Variants in ACE observed in about 807,000 individuals in gnomAD.
The protein encoded by ACE is angiotensin-converting enzyme.
In ACE, 122 loss-of-function variants were observed where a neutral mutation model predicts 162.3. The observed-to-expected ratio is 0.75, with a 90% CI of 0.65 to 0.87. ACE has a LOEUF of 0.87. Among genes scored for constraint, ACE ranks in the 40% least tolerant of loss-of-function variants. The pLI, the probability that ACE is intolerant of heterozygous loss-of-function variation, is 0.00. For missense variants in ACE, 1,799 were observed against 1,735.1 expected, an observed-to-expected ratio of 1.04 and a Z score of -0.65; for synonymous variants, 796 against 720.6, an observed-to-expected ratio of 1.10 and a Z score of -1.68.
chr17:63,491,469 C>A lies in ACE; in HGVS notation c.2912+88C>A. On this transcript the variant is annotated intron_variant, in intron 19 of 24. Transcript: ENST00000290866. The surrounding 1 kb of genome is among the most constrained non-coding windows in gnomAD (Gnocchi z 4.4). ...CAAAGGGTCCACTACTGTCCCCCAG[C>A]TGGAGCCAGCAGGGCAGGATGGGGA... The A allele has an allele frequency of 1.3e-6, 2 of 1,556,442 alleles. No individual in the cohort carries two copies. The highest frequency in any genetic ancestry group is 1.8e-6 in the Non-Finnish European group (2 of 1,134,972).
chr17:63,486,952 G>A, intron 14 of ACE, 34 bp from the exon 15 acceptor site: 2 of 1,576,782 alleles, frequency 1.3e-6, no homozygotes, highest in Non-Finnish European at 1.7e-6. Flanking sequence ...AAGTGCAAAG[G>A]AGTACAGCTC....
At position 63,484,856 on chromosome 17, in the gene ACE, T is replaced by C; in HGVS notation, c.1921+315T>C. 1.3e-6 allele frequency: 2 copies of C among 1,570,118 alleles called. No individual in the cohort carries two copies. The highest frequency in any genetic ancestry group is 1.7e-6 in the Non-Finnish European group (2 of 1,157,232). On this transcript the variant is annotated intron_variant, in intron 12 of 24. Coordinates refer to ENST00000290866, the MANE Select transcript of ACE (RefSeq NM_000789.4). This position sits in a 1 kb window ranked among gnomAD's most constrained non-coding sequence, Gnocchi z 4.0. The stretch of plus-strand genomic sequence containing the variant: ...GGGGACGGTAGCTGCAGGACTCTGC[T>C]CTCCTGCGGCCATGGGCCAGGGTTG...
In ACE at chr17:63,487,038, G is replaced by A. The variant is rs1232177858; in HGVS notation, c.2270G>A (p.Cys757Tyr). 2.5e-6 allele frequency: 4 copies of A among 1,613,870 alleles called. No homozygotes were observed. Among genetic ancestry groups the A allele is most frequent in the Non-Finnish European group, 3.4e-6 (4 of 1,180,024 alleles). ...ACCACCTACAGCGTGGCCACTGTGT[G>A]CCACCCGAATGGCAGCTGCCTGCAG... ...METTYSVATV[C>Y]HPNGSCLQLE... The change falls in exon 15 of 25, where the codon TGC (cysteine) becomes TAC (tyrosine). Residue 757 changes from cysteine to tyrosine, a missense_variant. Cys to Tyr is a radical substitution (Grantham distance 194). Transcript: ENST00000290866.
chr17:63,494,320 C>T (rs1221079484), intron 21 of ACE, 52 bp from the exon 22 acceptor site: 5 of 1,567,628 alleles, frequency 3.2e-6, no homozygotes, highest in Non-Finnish European at 3.5e-6. Flanking sequence ...AATGCCACCC[C>T]CAGCCTGGTT....
chr17:63,488,461 G>A lies in ACE; in HGVS notation c.2306-187G>A, dbSNP rs1184976557. ...TGTCTGCAGCATGTGGCCCCAGGCC[G>A]GGGACTCTGTAAGCCACTGCTGGAG... On this transcript the variant is annotated intron_variant, in intron 15 of 24. Coordinates refer to ENST00000290866, the MANE Select transcript of ACE (RefSeq NM_000789.4). The A allele has an allele frequency of 1.2e-5, 5 of 433,562 alleles. No individual in the cohort carries two copies. In the South Asian group the frequency reaches 1.2e-4, roughly 10 times the overall value. 26.9% of individuals were successfully genotyped at this position (433,562 alleles called of 1,614,324 possible). A position where few individuals can be genotyped will look rare whatever the true frequency, so the allele number is the denominator to read the frequency against.
Position 63,493,594 on chromosome 17 carries a change from T to C in ACE, c.3071T>C (p.Leu1024Pro). ...GAGGCCATTGGGGACGTGCTAGCCC[T>C]CTCAGTGTCTACGCCCAAGCACCTG... ...FHEAIGDVLALSVSTPKHLHS... is the reference protein window; with the variant it reads ...FHEAIGDVLAPSVSTPKHLHS... Residue 1024 changes from leucine (L) to proline (P), a missense_variant, in exon 20 of 25, where the codon CTC becomes CCC. Leu to Pro is a moderately conservative substitution (Grantham distance 98). Coordinates refer to ENST00000290866, the MANE Select transcript of ACE (RefSeq NM_000789.4). 1.2e-6 allele frequency: 2 copies of C among 1,614,126 alleles called. No homozygotes were observed. Among genetic ancestry groups the C allele is most frequent in the South Asian group, 2.2e-5 (2 of 91,080 alleles).
In ACE at chr17:63,497,139, C is replaced by G; in HGVS notation, c.3694C>G (p.Arg1232Gly). Reference sequence around the variant, plus strand: ...CTGTCTCCTTGCTTCCCGCTCAGCTCGCTCAGAAGGGCCCCTCCCAGACAG... The same window carrying G: ...CTGTCTCCTTGCTTCCCGCTCAGCTGGCTCAGAAGGGCCCCTCCCAGACAG... ...PQYNWTPNSA[R>G]SEGPLPDSGR... Residue 1232 changes from arginine (R) to glycine (G), a missense_variant and splice_region_variant, in exon 25 of 25, where the codon CGC becomes GGC. By Grantham distance (125) the Arg-to-Gly change is moderately radical. Coordinates refer to ENST00000290866, the MANE Select transcript of ACE (RefSeq NM_000789.4). 1 of 1,603,560 alleles carries G rather than the reference C, an allele frequency of 6.2e-7. No individual in the cohort carries two copies.
chr17:63,482,695 G>T lies in ACE; in HGVS notation c.1342+6G>T. ...CCGTGTCACCAATGACACGGGTATG[G>T]GAGGGCTGAGAGGCCCCCACCCAGC... is the stretch of plus-strand genomic sequence containing the variant. On this transcript the variant is annotated splice_donor_region_variant and intron_variant, in intron 8 of 24. Transcript: ENST00000290866. The T allele has an allele frequency of 6.2e-7, 1 of 1,613,258 alleles. No individual in the cohort carries two copies. Among genetic ancestry groups the T allele is most frequent in the Non-Finnish European group, 8.5e-7 (1 of 1,179,732 alleles).
Position 63,482,264 on chromosome 17 carries a change from A to G in ACE, c.1119-202A>G, listed in dbSNP as rs4308. Among the ~76,000 whole-genome samples the G allele has an allele frequency of 0.71, 107,885 of 151,614 alleles. 39,548 individuals are homozygous for G. Among genetic ancestry groups the G allele is most frequent in the African/African-American group, 0.91 (37,552 of 41,378 alleles). On this transcript the variant is annotated intron_variant, in intron 7 of 24. Coordinates refer to ENST00000290866, the MANE Select transcript of ACE (RefSeq NM_000789.4). ...TGCAGTGAGCTGAGATTGTGCCACT[A>G]CAGGCCAGCCTGTGCAAAAGAGTGA...
At position 63,477,207 on chromosome 17, in the gene ACE, A is replaced by C; in HGVS notation, c.113A>C (p.Asn38Thr). 1 of 1,488,590 alleles carries C rather than the reference A, an allele frequency of 6.7e-7. No individual in the cohort carries two copies. The highest frequency in any genetic ancestry group is 8.9e-7 in the Non-Finnish European group (1 of 1,123,256). The allele number at this position is 1,488,590 out of a possible 1,614,324, so 92.2% of individuals were successfully genotyped here. ...TTGGACCCCGGGCTGCAGCCCGGCA[A>C]CTTTTCTGCTGACGAGGCCGGGGCG... ...LALDPGLQPG[N>T]FSADEAGAQL... The change falls in exon 1 of 25, where the codon AAC (asparagine) becomes ACC (threonine). Residue 38 changes from asparagine (N) to threonine (T), a missense_variant. Asn to Thr is a moderately conservative substitution (Grantham distance 65, BLOSUM62 0). Coordinates refer to ENST00000290866, the MANE Select transcript of ACE (RefSeq NM_000789.4).
intron 1 of ACE, 149 bp from the exon 2 acceptor site, chr17:63,477,782 C>G (rs1352784030): frequency 9.5e-6 from 9 of 946,470 alleles, no homozygotes; most frequent in Non-Finnish European, 1.4e-5. Flanking sequence ...GCGGCTTCCG[C>G]AAACTAAGGT....
Position 63,496,516 on chromosome 17 carries a change from C to A in ACE, c.3503C>A (p.Ala1168Glu), listed in dbSNP as rs993733529. Residue 1168 changes from alanine to glutamate, a missense_variant and splice_region_variant, in exon 23 of 25, where the codon GCG becomes GAG. By Grantham distance (107) the Ala-to-Glu change is moderately radical. Coordinates refer to ENST00000290866, the MANE Select transcript of ACE (RefSeq NM_000789.4). Reference sequence around the variant, plus strand: ...TCCAAGGAGGCCGGGCAGCGCCTGGCGTGAGTGTCCTCCAGCCCTCCTTTG... The same window carrying A: ...TCCAAGGAGGCCGGGCAGCGCCTGGAGTGAGTGTCCTCCAGCCCTCCTTTG... ...YQSKEAGQRL[A>E]TAMKLGFSRP... The A allele has an allele frequency of 6.2e-7, 1 of 1,614,054 alleles. No homozygotes were observed. Among genetic ancestry groups the A allele is most frequent in the Admixed American group, 1.7e-5 (1 of 60,036 alleles).
rs545751216 is a variant in ACE at position 63,477,400 on chromosome 17, C to T, written c.249+57C>T. 9.6e-4 allele frequency: 1,135 copies of T among 1,176,244 alleles called. 1 individual carries two copies. Among genetic ancestry groups the T allele is most frequent in the Non-Finnish European group, 1.1e-3 (1,076 of 951,858 alleles). The allele number at this position is 1,176,244 out of a possible 1,614,324, so 72.9% of individuals were successfully genotyped here. ...GGGGCCGCGGCGGCCAATCACAGCACGCGGCCGGCTTGTGGGGCGGGCAGG... is the reference window on the plus strand; with the variant it reads ...GGGGCCGCGGCGGCCAATCACAGCATGCGGCCGGCTTGTGGGGCGGGCAGG... On this transcript the variant is annotated intron_variant, in intron 1 of 24. Transcript: ENST00000290866.
At chr17:63,494,314 C>T in intron 21 of ACE, 58 bp from the exon 22 acceptor site, 1 of 1,535,226 alleles carries the variant, frequency 6.5e-7, no homozygotes, top group Non-Finnish European at 9.0e-7. Context: ...GTCAAAAATG[C>T]CACCCCCAGC....
Position 63,497,136 on chromosome 17 carries a change from G to A in ACE, c.3692-1G>A. ...ATGCTGTCTCCTTGCTTCCCGCTCA[G>A]CTCGCTCAGAAGGGCCCCTCCCAGA... is the stretch of plus-strand genomic sequence containing the variant. On this transcript the variant is annotated splice_acceptor_variant, in intron 24 of 24. Transcript: ENST00000290866. LOFTEE classifies it high-confidence loss of function. 1 of 1,603,154 alleles carries A rather than the reference G, an allele frequency of 6.2e-7. No homozygotes were observed. The highest frequency in any genetic ancestry group is 1.1e-5 in the South Asian group (1 of 90,498).
Position 63,497,363 on chromosome 17 carries a change from C to G in ACE, c.3918C>G (p.Ser1306=), listed in dbSNP as rs1480573228. Residue 1306 remains serine (S), a synonymous_variant, in exon 25 of 25, where the codon TCC becomes TCG. Coordinates refer to ENST00000290866, the MANE Select transcript of ACE (RefSeq NM_000789.4). ...GCTCCGAGGTGGAGCTGAGACACTC[C>G]TGAGGTGACCCGGCTGGGTCGGCCC... is the stretch of plus-strand genomic sequence containing the variant. The part of the protein sequence containing the change: ...QFGSEVELRH[S] 1 of 1,548,388 alleles carries G rather than the reference C, an allele frequency of 6.5e-7. No individual in the cohort carries two copies. The highest frequency in any genetic ancestry group is 2.0e-5 in the Admixed American group (1 of 51,006).
At chr17:63,481,329 T>G (rs1599140228) in intron 6 of ACE, 141 bp downstream of exon 6, 2 of 923,126 alleles carry the variant, frequency 2.2e-6, no homozygotes, top group East Asian at 5.3e-5. Context: ...TGAGCTGGGG[T>G]CGGCCCCCTC....
chr17:63,487,935 C>T (rs1258590899), intron 15 of ACE, among the ~76,000 whole-genome samples: 1 of 152,162 alleles, frequency 6.6e-6, no homozygotes, highest in African/African-American at 2.4e-5. Flanking sequence ...GTACCCATGC[C>T]AAGTGTGAGG....
intron 7 of ACE, among the ~76,000 whole-genome samples, chr17:63,482,174 G>A (rs937368143): frequency 2.0e-5 from 3 of 152,044 alleles, no homozygotes; most frequent in Non-Finnish European, 4.4e-5. Context: ...GATGGCGGGC[G>A]CCTGTAATCC....
Sources: allele counts gnomAD v4.1 joint callset (sites outside exome capture counted in the v4.1 genomes callset), GRCh38; gene constraint gnomAD v4.1.1; non-coding constraint Gnocchi (gnomAD v3.1); transcripts MANE v1.5; gene names NCBI Gene and HGNC (gene_info 2026-07-23, HGNC 2026-07-21).